Variants in STARD13 observed in about 807,000 individuals in gnomAD.
The protein encoded by STARD13 is StAR related lipid transfer domain containing 13, also known as stAR-related lipid transfer protein 13.
STARD13 carries 62 observed loss-of-function variants against 106.4 expected under a neutral mutation model. That is an observed-to-expected ratio of 0.58 (90% confidence interval 0.48 to 0.72). The LOEUF (loss-of-function observed/expected upper bound fraction) is 0.72, where lower values mean the gene tolerates loss of function less well. Among genes scored for constraint, STARD13 ranks in the 30% least tolerant of loss-of-function variants. The pLI, the probability that STARD13 is intolerant of heterozygous loss-of-function variation, is 0.00. For missense variants in STARD13, 1,387 were observed against 1,424.0 expected (o/e 0.97, Z 0.42); for synonymous variants, 565 against 553.0 (o/e 1.02, Z -0.31).
chr13:33,513,355 G>A, the STARD13 span, among the ~76,000 whole-genome samples: 2 of 152,062 alleles, frequency 1.3e-5, no homozygotes. Context: ...TCTGAGGCGT[G>A]GTCTCCAATT....
chr13:33,630,837 T>C, the STARD13 span, among the ~76,000 whole-genome samples: 3 of 152,144 alleles, frequency 2.0e-5, no homozygotes, highest in Non-Finnish European at 4.4e-5. Context: ...CCTTGGCCAT[T>C]ATGTGGTAGA....
chr13:33,384,314 A>G, the STARD13 span, among the ~76,000 whole-genome samples: 1 of 152,324 alleles, frequency 6.6e-6, no homozygotes, highest in East Asian at 1.9e-4. Context: ...CAGTTTCTAA[A>G]TCAATGGTTA....
At chr13:33,380,612 G>T in the STARD13 span, among the ~76,000 whole-genome samples, 1 of 151,862 alleles carries the variant, frequency 6.6e-6, no homozygotes, top group Non-Finnish European at 1.5e-5. Flanking sequence ...AGTCAAAGGG[G>T]GAGGCAGGAG....
intron 1 of STARD13, among the ~76,000 whole-genome samples, chr13:33,291,568 A>G (rs936179362): frequency 6.6e-6 from 1 of 152,152 alleles, no homozygotes; most frequent in Admixed American, 6.5e-5. Context: ...TATAATCTAT[A>G]TTCACTCATT....
At chr13:33,456,788 A>G in the STARD13 span, among the ~76,000 whole-genome samples, 1 of 152,208 alleles carries the variant, frequency 6.6e-6, no homozygotes, top group Middle Eastern at 3.2e-3. Flanking sequence ...ATGAACCAGA[A>G]AGCAGGCACT....
intron 1 of STARD13, among the ~76,000 whole-genome samples, chr13:33,342,687 C>T (rs1401108810): frequency 6.6e-6 from 1 of 152,106 alleles, no homozygotes; most frequent in Admixed American, 6.5e-5. Context: ...CACGAGCCAC[C>T]ATGCCCATCA....
the STARD13 span, among the ~76,000 whole-genome samples, chr13:33,514,216 A>G: frequency 6.6e-6 from 1 of 152,200 alleles, no homozygotes; most frequent in Non-Finnish European, 1.5e-5. Context: ...AGATGTTCAC[A>G]AAGTGTAATG....
chr13:33,203,794 A>G (rs1223610424), intron 1 of STARD13, among the ~76,000 whole-genome samples: 1 of 152,230 alleles, frequency 6.6e-6, no homozygotes, highest in Non-Finnish European at 1.5e-5. Context: ...TTTAACTTTA[A>G]AGGCTAAAGT....
chr13:33,535,113 G>T, the STARD13 span, among the ~76,000 whole-genome samples: 2 of 152,086 alleles, frequency 1.3e-5, no homozygotes, highest in Non-Finnish European at 2.9e-5. Flanking sequence ...TACTCAGGAG[G>T]CTGAGGCTGG....
At chr13:33,111,540 G>C (rs1380553768) in intron 10 of STARD13, among the ~76,000 whole-genome samples, 1 of 152,226 alleles carries the variant, frequency 6.6e-6, no homozygotes, top group African/African-American at 2.4e-5. Flanking sequence ...ATAATGGCAG[G>C]TGATGCACTG....
chr13:33,585,448 CT>C, the STARD13 span, among the ~76,000 whole-genome samples: 12 of 152,180 alleles, frequency 7.9e-5, no homozygotes, highest in South Asian at 2.1e-3. Context: ...AATTTCAGCA[CT>C]TTAGGAGGCC....
chr13:33,587,587 C>A, the STARD13 span, among the ~76,000 whole-genome samples: 1 of 152,150 alleles, frequency 6.6e-6, no homozygotes, highest in African/African-American at 2.4e-5. Context: ...TTGTCCAGAC[C>A]AGTGCTTCTC....
intron 4 of STARD13, among the ~76,000 whole-genome samples, chr13:33,134,577 T>C (rs558165720): frequency 5.9e-5 from 9 of 152,218 alleles, no homozygotes; most frequent in Non-Finnish European, 8.8e-5. Flanking sequence ...TGCTAAGGGT[T>C]CTTTGAGACT....
At position 33,209,456 on chromosome 13, in the gene STARD13, TC is replaced by T. The variant is rs1171716651; in HGVS notation, c.170-41835del. Among the ~76,000 whole-genome samples, 19 of 122,408 alleles carry T rather than the reference TC, an allele frequency of 1.6e-4. No homozygotes were observed. In the South Asian group the frequency reaches 1.7e-3, roughly 11 times the overall value. The allele number at this position is 122,408 out of a possible 152,430, so 80.3% of individuals were successfully genotyped here. ...GATGTCTGAATCTTCTCTCTCTCTC[TC>T]TCTTTTTTTTTTCCAAATTCCAGGG... On this transcript the variant is annotated intron_variant, in intron 1 of 13. Coordinates refer to ENST00000336934, the MANE Select transcript of STARD13 (RefSeq NM_178006.4).
chr13:33,601,887 C>T, the STARD13 span, among the ~76,000 whole-genome samples: 2,427 of 152,156 alleles, frequency 0.016, 77 homozygotes, highest in African/African-American at 0.055. Flanking sequence ...GAGGATGCTG[C>T]GATCTCTAGT....
the STARD13 span, among the ~76,000 whole-genome samples, chr13:33,375,206 A>G: frequency 6.6e-6 from 1 of 152,166 alleles, no homozygotes; most frequent in Non-Finnish European, 1.5e-5. Context: ...ACCAGTCAAG[A>G]GGCTGTTAAT....
At chr13:33,301,769 C>T (rs546887925) in intron 1 of STARD13, among the ~76,000 whole-genome samples, 90 of 152,062 alleles carry the variant, frequency 5.9e-4, no homozygotes, top group Non-Finnish European at 1.1e-3. Context: ...AGGGTTTCAC[C>T]GTGTTAGCCA....
the STARD13 span, among the ~76,000 whole-genome samples, chr13:33,494,443 G>A: frequency 6.6e-6 from 1 of 152,070 alleles, no homozygotes; most frequent in Non-Finnish European, 1.5e-5. Context: ...AATATTTGTT[G>A]ATTCGAATGA....
the STARD13 span, among the ~76,000 whole-genome samples, chr13:33,410,273 C>G: frequency 6.6e-6 from 1 of 152,152 alleles, no homozygotes; most frequent in Admixed American, 6.5e-5. Flanking sequence ...TTATTGGTGT[C>G]ACGGAAGATG....
Sources: allele counts gnomAD v4.1 joint callset (sites outside exome capture counted in the v4.1 genomes callset), GRCh38; gene constraint gnomAD v4.1.1; transcripts MANE v1.5; gene names NCBI Gene and HGNC (gene_info 2026-07-23, HGNC 2026-07-21).